LRMDA: variants seen among roughly 807,000 people sequenced by gnomAD.
LRMDA encodes leucine-rich melanocyte differentiation-associated protein.
A neutral mutation model predicts 29.8 loss-of-function variants in LRMDA; 18 were observed. The observed-to-expected ratio is 0.60, with a 90% confidence interval of 0.42 to 0.90. LRMDA has a LOEUF of 0.90. Among genes scored for constraint, LRMDA ranks in the 40% least tolerant of loss-of-function variants. The probability of loss-of-function intolerance (pLI) is 0.00; values close to 1 mark genes in which losing one functional copy is unlikely to be tolerated. For missense variants in LRMDA, 273 were observed against 273.9 expected (o/e 1.00, Z 0.02); for synonymous variants, 125 against 109.4 (o/e 1.14, Z -0.89).
chr10:76,492,331 T>C (rs1842841517), intron 6 of LRMDA, among the ~76,000 whole-genome samples: 1 of 152,064 alleles, frequency 6.6e-6, no homozygotes, highest in Admixed American at 6.6e-5. Context: ...TTGGTACCCA[T>C]CCTTCTTGGA....
intron 5 of LRMDA, among the ~76,000 whole-genome samples, chr10:76,254,353 C>G (rs201326014): frequency 7.4e-5 from 3 of 40,346 alleles, no homozygotes; most frequent in Non-Finnish European, 1.2e-4. Context: ...CCTATCCTAT[C>G]CTATCCTATG....
rs1036341341 is a variant in LRMDA, at chr10:76,476,242, C to T, written c.602-80967C>T. ...TATCACCACCGATCCCACAGAAATA[C>T]AAACTACTATCAGAGAATACTATAA... On this transcript the variant is annotated intron_variant, in intron 6 of 6. Coordinates refer to ENST00000611255, the MANE Select transcript of LRMDA (RefSeq NM_001305581.2). Among the ~76,000 whole-genome samples the T allele has an allele frequency of 8.5e-5, 13 of 152,214 alleles. No individual in the cohort carries two copies. In the East Asian group the frequency reaches 2.5e-3, roughly 29 times the overall value.
At chr10:76,394,427 T>C (rs1317531724) in intron 6 of LRMDA, among the ~76,000 whole-genome samples, 1 of 152,164 alleles carries the variant, frequency 6.6e-6, no homozygotes, top group East Asian at 1.9e-4. Flanking sequence ...TGTGAAAAAA[T>C]ACTCTACAAA....
intron 6 of LRMDA, among the ~76,000 whole-genome samples, chr10:76,487,904 C>G (rs1385890028): frequency 6.6e-6 from 1 of 151,760 alleles, no homozygotes; most frequent in Non-Finnish European, 1.5e-5. Flanking sequence ...ACCTCTCTAG[C>G]CATCAGTTTC....
At chr10:76,495,371 G>A (rs546121265) in intron 6 of LRMDA, among the ~76,000 whole-genome samples, 12 of 151,880 alleles carry the variant, frequency 7.9e-5, no homozygotes, top group South Asian at 6.2e-4. Flanking sequence ...ATTGATTAAT[G>A]TATCTATCTT....
chr10:76,422,707 A>G (rs757586400), intron 6 of LRMDA, among the ~76,000 whole-genome samples: 13 of 152,220 alleles, frequency 8.5e-5, no homozygotes, highest in Non-Finnish European at 1.0e-4. Flanking sequence ...TTGAAGGCCT[A>G]CAGCCTTTGA....
chr10:75,585,500 G>C (rs906216544), intron 2 of LRMDA, among the ~76,000 whole-genome samples: 1 of 152,186 alleles, frequency 6.6e-6, no homozygotes, highest in East Asian at 1.9e-4. Flanking sequence ...GGTACATGCT[G>C]AGGAGCGGAA....
At chr10:76,084,871 A>G (rs996045690) in intron 5 of LRMDA, among the ~76,000 whole-genome samples, 1 of 152,218 alleles carries the variant, frequency 6.6e-6, no homozygotes, top group Admixed American at 6.5e-5. Flanking sequence ...GGGTGGGACT[A>G]CAATTTACTT....
At chr10:75,493,133 A>G (rs1845006045) in intron 2 of LRMDA, among the ~76,000 whole-genome samples, 1 of 152,204 alleles carries the variant, frequency 6.6e-6, no homozygotes, top group Admixed American at 6.5e-5. Flanking sequence ...ATATTTGCAT[A>G]TCTCGGGGCT....
intron 2 of LRMDA, among the ~76,000 whole-genome samples, chr10:75,900,896 C>T (rs905082239): frequency 1.1e-4 from 16 of 152,262 alleles, no homozygotes; most frequent in African/African-American, 3.9e-4. Flanking sequence ...CTACGCTGAA[C>T]TAGAGATAGC....
At chr10:75,698,705 A>G (rs1444222869) in intron 2 of LRMDA, among the ~76,000 whole-genome samples, 1 of 151,002 alleles carries the variant, frequency 6.6e-6, no homozygotes, top group Non-Finnish European at 1.5e-5. Context: ...ATTTTATTAC[A>G]GTTTCTGGCT....
At chr10:76,508,771 C>T (rs1842982706) in intron 6 of LRMDA, among the ~76,000 whole-genome samples, 1 of 152,048 alleles carries the variant, frequency 6.6e-6, no homozygotes, top group African/African-American at 2.4e-5. Context: ...TTATCTTCTC[C>T]CTATGAGTTA....
At chr10:76,175,565 G>T (rs914056462) in intron 5 of LRMDA, among the ~76,000 whole-genome samples, 2 of 152,206 alleles carry the variant, frequency 1.3e-5, no homozygotes, top group Non-Finnish European at 2.9e-5. Context: ...AATGGTCCTA[G>T]CAAGAAGGAT....
chr10:75,837,003 T>G (rs896767473), intron 2 of LRMDA, among the ~76,000 whole-genome samples: 10 of 152,168 alleles, frequency 6.6e-5, no homozygotes, highest in African/African-American at 2.4e-4. Flanking sequence ...TAACTGTACA[T>G]GTAAGCATAG....
At chr10:76,058,842 C>A in intron 5 of LRMDA, 59 bp downstream of exon 5, 1 of 1,287,548 alleles carries the variant, frequency 7.8e-7, no homozygotes, top group South Asian at 1.2e-5. Flanking sequence ...AGTGCTTACA[C>A]CCCAGGGCAT....
At chr10:75,799,164 C>T (rs1843704194) in intron 2 of LRMDA, among the ~76,000 whole-genome samples, 1 of 152,160 alleles carries the variant, frequency 6.6e-6, no homozygotes. Flanking sequence ...CATGTTTATT[C>T]TTTAACCACA....
At chr10:76,004,879 CA>C (rs1847622229) in intron 2 of LRMDA, among the ~76,000 whole-genome samples, 1 of 152,008 alleles carries the variant, frequency 6.6e-6, no homozygotes, top group South Asian at 2.1e-4. Context: ...AGGCGCCTGC[CA>C]CCACACCTGG....
chr10:76,057,483 C>T (rs569714570), intron 4 of LRMDA, among the ~76,000 whole-genome samples: 4 of 152,256 alleles, frequency 2.6e-5, no homozygotes, highest in East Asian at 1.9e-4. Context: ...AAGAAGCTTA[C>T]AGTTTGGGTA....
At chr10:76,397,805 G>C (rs568209755) in intron 6 of LRMDA, among the ~76,000 whole-genome samples, 2 of 151,954 alleles carry the variant, frequency 1.3e-5, no homozygotes, top group Admixed American at 6.5e-5. Context: ...AGGGGCATAG[G>C]GAAATGCCTG....
Sources: gnomAD v4.1 joint callset for allele counts (sites outside exome capture counted in the v4.1 genomes callset) on GRCh38, gnomAD v4.1.1 for gene constraint, MANE v1.5 for transcripts, NCBI Gene and HGNC (gene_info 2026-07-23, HGNC 2026-07-21) for gene names.